The following MTX3 variants were observed in gnomAD, a reference collection of about 807,000 sequenced individuals.
The protein encoded by MTX3 is metaxin-3.
A neutral mutation model predicts 42.5 loss-of-function variants in MTX3; 27 were observed. The observed-to-expected ratio is 0.64, with a 90% CI of 0.47 to 0.88. The LOEUF is 0.88. Among genes scored for constraint, MTX3 ranks in the 40% least tolerant of loss-of-function variants. MTX3 has a pLI of 0.00. For synonymous variants in MTX3, 144 were observed against 132.9 expected (o/e 1.08, Z -0.57); for missense variants, 378 against 367.0 (o/e 1.03, Z -0.25).
At chr5:79,991,081 G>A in intron 1 of MTX3, 77 bp downstream of exon 1, 1 of 1,396,530 alleles carries the variant, frequency 7.2e-7, no homozygotes, top group South Asian at 1.2e-5. Context: ...CAGCGCAGCG[G>A]GAAACTGGGG....
At chr5:79,988,975 G>A (rs1011328463) in intron 4 of MTX3, among the ~76,000 whole-genome samples, 177 bp downstream of exon 4, 3 of 152,132 alleles carry the variant, frequency 2.0e-5, no homozygotes, top group African/African-American at 7.2e-5. Context: ...TTACTTTGTT[G>A]TTTCACATAC....
chr5:79,985,161 TTAG>T (rs1431727324), intron 8 of MTX3, among the ~76,000 whole-genome samples: 1 of 152,050 alleles, frequency 6.6e-6, no homozygotes, highest in Non-Finnish European at 1.5e-5. Flanking sequence ...TTTTGTATTT[TTAG>T]TAGAGACGGG....
chr5:79,988,309 T>C lies in MTX3; in HGVS notation c.511A>G (p.Arg171Gly). The C allele has an allele frequency of 6.5e-7, 1 of 1,549,528 alleles. No homozygotes were observed. Among genetic ancestry groups the C allele is most frequent in the Non-Finnish European group, 8.8e-7 (1 of 1,140,570 alleles). The change falls in exon 6 of 9, where the codon AGA (arginine) becomes GGA (glycine). Residue 171 changes from arginine (R) to glycine (G), a missense_variant. Physicochemically the swap from Arg to Gly is moderately radical, Grantham distance 125 (BLOSUM62 -2). Transcript: ENST00000512528. ...AGATTTAGGCACTCCTTGGCATCTC[T>C]GTATATCTAATAAGGATGAAATTAT... ...HLREVEAQIY[R>G]DAKECLNLLS...
Position 79,988,111 on chromosome 5 carries a change from C to T in MTX3, c.581+128G>A, listed in dbSNP as rs540995436. On this transcript the variant is annotated intron_variant, in intron 6 of 8. Transcript: ENST00000512528. Reference sequence around the variant, plus strand: ...TGATTACAGGTATGAGCCACCACACCGGCCTAAATCTTGTTTTTTTTAAGT... The same window carrying T: ...TGATTACAGGTATGAGCCACCACACTGGCCTAAATCTTGTTTTTTTTAAGT... 3.5e-4 allele frequency: 226 copies of T among 651,246 alleles called. 5 individuals are homozygous for T. Among genetic ancestry groups the T allele is most frequent in the South Asian group, 3.4e-3 (174 of 51,164 alleles). 40.3% of individuals were successfully genotyped at this position (651,246 alleles called of 1,614,324 possible).
At position 79,987,244 on chromosome 5, in the gene MTX3, A is replaced by G. The variant is rs1028368581; in HGVS notation, c.582-137T>C. On this transcript the variant is annotated intron_variant, in intron 6 of 8. Coordinates refer to ENST00000512528, the MANE Select transcript of MTX3 (RefSeq NM_001363818.2). ...TCACTTGAGGTCAGGAGTTCCAGAT[A>G]AGCCTGGCCAACATGGTGAAACCCT... is the stretch of plus-strand genomic sequence containing the variant. The G allele has an allele frequency of 6.2e-5, 40 of 646,846 alleles. No homozygotes were observed. The Admixed American group carries it at 1.1e-3, about 18-fold the overall frequency. The allele number at this position is 646,846 out of a possible 1,614,324, so 40.1% of individuals were successfully genotyped here. A position where few individuals can be genotyped will look rare whatever the true frequency, so the allele number is the denominator to read the frequency against.
At position 79,983,787 on chromosome 5, in the gene MTX3, T is replaced by TA; in HGVS notation, c.835_836insT (p.Asp279ValfsTer18). Reference sequence around the variant, plus strand: ...AAGCTGAGGGCTTTGGCGAAGATTGTCATCCATCTGTAGAAAGTACAAAAG... The same window carrying TA: ...AAGCTGAGGGCTTTGGCGAAGATTGTACATCCATCTGTAGAAAGTACAAAAG... On this transcript the variant is annotated frameshift_variant, in exon 9 of 9. Transcript: ENST00000512528. LOFTEE classifies it high-confidence loss of function. 11 of 1,610,934 alleles carry TA rather than the reference T, an allele frequency of 6.8e-6. No homozygotes were observed. In the Admixed American group the frequency reaches 1.2e-4, roughly 17 times the overall value.
intron 7 of MTX3, chr5:79,986,554 T>C (rs952842474): frequency 3.3e-5 from 11 of 334,858 alleles, no homozygotes; most frequent in African/African-American, 2.4e-4. Context: ...TTTCTGTTCA[T>C]GCAGGAAAAT....
chr5:79,983,599 T>G lies in MTX3; in HGVS notation c.*85A>C. The G allele has an allele frequency of 1.1e-6, 1 of 929,390 alleles. No individual in the cohort carries two copies. Among genetic ancestry groups the G allele is most frequent in the Non-Finnish European group, 1.8e-6 (1 of 559,590 alleles). 57.6% of individuals were successfully genotyped at this position (929,390 alleles called of 1,614,324 possible). On this transcript the variant is annotated 3_prime_UTR_variant, in exon 9 of 9. Transcript: ENST00000512528. ...TTAGAGTCTTCCTTAATACCTATTA[T>G]GGTATCTTCTTTTTGCCTTCACACA...
In MTX3 at chr5:79,988,618, G is replaced by A; in HGVS notation, c.348C>T (p.Asp116=). The A allele has an allele frequency of 6.3e-7, 1 of 1,593,936 alleles. No homozygotes were observed. The highest frequency in any genetic ancestry group is 8.5e-7 in the Non-Finnish European group (1 of 1,169,634). ...ATGGCTTTGTCACAGTAAAGTAATT[G>A]TCACTCTCAACCCAGAATGTGTGAA... ...AVLHTFWVES[D]NYFTVTKPWF... The change falls in exon 5 of 9, where the codon GAC becomes GAT. Residue 116 remains aspartate (D), a synonymous_variant. Transcript: ENST00000512528.
At chr5:79,986,377 A>G (rs1266924804) in intron 7 of MTX3, among the ~76,000 whole-genome samples, 2 of 152,216 alleles carry the variant, frequency 1.3e-5, no homozygotes, top group African/African-American at 4.8e-5. Flanking sequence ...AACCATCCCA[A>G]TAGAAATTTA....
At position 79,982,485 on chromosome 5, in the gene MTX3, A is replaced by G. The variant is rs1481938894; in HGVS notation, c.*1199T>C. 1 of 452,100 alleles carries G rather than the reference A, an allele frequency of 2.2e-6. No individual in the cohort carries two copies. Among genetic ancestry groups the G allele is most frequent in the Non-Finnish European group, 4.4e-6 (1 of 225,050 alleles). 28.0% of individuals were successfully genotyped at this position (452,100 alleles called of 1,614,324 possible). A position where few individuals can be genotyped will look rare whatever the true frequency, so the allele number is the denominator to read the frequency against. On this transcript the variant is annotated 3_prime_UTR_variant, in exon 9 of 9. Coordinates refer to ENST00000512528, the MANE Select transcript of MTX3 (RefSeq NM_001363818.2). ...AATCAAAAACATGGTTCTACATTTT[A>G]AAAACCTCAGAAGTAGTTTTAGGAC...
At chr5:79,987,643 A>T (rs1831528583) in intron 6 of MTX3, among the ~76,000 whole-genome samples, 1 of 152,148 alleles carries the variant, frequency 6.6e-6, no homozygotes, top group Non-Finnish European at 1.5e-5. Flanking sequence ...AGACTCTAGG[A>T]GAAAATGAAA....
Position 79,991,159 on chromosome 5 carries a change from A to G in MTX3, c.80T>C (p.Met27Thr). The change falls in exon 1 of 9, where the codon ATG (methionine) becomes ACG (threonine). Residue 27 changes from methionine to threonine, a missense_variant and splice_region_variant. Coordinates refer to ENST00000512528, the MANE Select transcript of MTX3 (RefSeq NM_001363818.2). ...PSVHSESLVV[M>T]AYAKFSGAPL... ...CCCTGGCCCGCGAGGCGGCCTCACC[A>G]TCACCACCAGGGACTCGCTGTGAAC... The G allele has an allele frequency of 1.3e-6, 2 of 1,542,146 alleles. No homozygotes were observed. The highest frequency in any genetic ancestry group is 1.8e-6 in the Non-Finnish European group (2 of 1,141,846).
intron 7 of MTX3, chr5:79,986,733 G>T: frequency 1.7e-6 from 1 of 582,354 alleles, no homozygotes; most frequent in Non-Finnish European, 3.1e-6. Context: ...TAAAAATCCA[G>T]CGGAATAGAT....
chr5:79,990,846 C>T, intron 1 of MTX3, 183 bp from the exon 2 acceptor site: 1 of 716,630 alleles, frequency 1.4e-6, no homozygotes, highest in Non-Finnish European at 2.5e-6. Flanking sequence ...GACTTTGCTC[C>T]CCAAAAGGTC....
chr5:79,984,162 T>C (rs1449431712), intron 8 of MTX3, among the ~76,000 whole-genome samples: 2 of 152,214 alleles, frequency 1.3e-5, no homozygotes, highest in Non-Finnish European at 2.9e-5. Flanking sequence ...TACAGTATCT[T>C]ATTTGATCTT....
rs1227278352 is a variant in MTX3 at position 79,989,135 on chromosome 5, T to C, written c.321+17A>G. 18 of 1,536,402 alleles carry C rather than the reference T, an allele frequency of 1.2e-5. No individual in the cohort carries two copies. The highest frequency in any genetic ancestry group is 1.5e-5 in the Non-Finnish European group (17 of 1,128,664). ...CAACTAGGCTACTAAAATACTGTAATATTTAAGAACACTCACCACTGCAGG... is the reference window on the plus strand; with the variant it reads ...CAACTAGGCTACTAAAATACTGTAACATTTAAGAACACTCACCACTGCAGG... On this transcript the variant is annotated intron_variant, in intron 4 of 8. Coordinates refer to ENST00000512528, the MANE Select transcript of MTX3 (RefSeq NM_001363818.2).
intron 6 of MTX3, among the ~76,000 whole-genome samples, chr5:79,987,470 A>T (rs72772243): frequency 0.064 from 9,656 of 151,058 alleles, 489 homozygotes; most frequent in East Asian, 0.23. Context: ...AATTAAATTA[A>T]GGATTTTTTT....
chr5:79,985,674 C>G lies in MTX3; in HGVS notation c.740-15G>C. 1 of 1,584,394 alleles carries G rather than the reference C, an allele frequency of 6.3e-7. No individual in the cohort carries two copies. The highest frequency in any genetic ancestry group is 8.6e-7 in the Non-Finnish European group (1 of 1,158,196). ...TGGAGAGATGCCTAAGAAGCCAGGA[C>G]AGAAATCAGAGAAAGACAGGAAATT... On this transcript the variant is annotated splice_polypyrimidine_tract_variant and intron_variant, in intron 7 of 8. Coordinates refer to ENST00000512528, the MANE Select transcript of MTX3 (RefSeq NM_001363818.2).
Sources: allele counts gnomAD v4.1 joint callset (sites outside exome capture counted in the v4.1 genomes callset), GRCh38; gene constraint gnomAD v4.1.1; transcripts MANE v1.5; gene names NCBI Gene and HGNC (gene_info 2026-07-23, HGNC 2026-07-21).